The following NOL10 variants were observed in gnomAD, a reference collection of about 807,000 sequenced individuals.
NOL10 encodes the protein nucleolar protein 10, also known as H_NH0074G24.1.
A neutral mutation model predicts 103.5 loss-of-function variants in NOL10; 58 were observed. The ratio of observed to expected loss-of-function variants is 0.56; its 90% CI spans 0.45 to 0.70. The LOEUF is 0.70. Among genes scored for constraint, NOL10 ranks in the 30% least tolerant of loss-of-function variants. NOL10 has a pLI of 0.00. For synonymous variants in NOL10, 287 were observed against 282.5 expected (o/e 1.02, Z -0.16); for missense variants, 763 against 807.3 (o/e 0.95, Z 0.67).
chr2:10,647,747 T>G (rs564523690), intron 12 of NOL10, among the ~76,000 whole-genome samples: 1 of 152,256 alleles, frequency 6.6e-6, no homozygotes, highest in East Asian at 1.9e-4. Context: ...CCAAAGATAT[T>G]TATAGATGGC....
intron 10 of NOL10, 64 bp downstream of exon 10, chr2:10,659,108 A>G (rs1680018918): frequency 1.9e-6 from 2 of 1,074,434 alleles, no homozygotes; most frequent in East Asian, 2.5e-5. Context: ...TGTATTTCTC[A>G]TGACACATAC....
chr2:10,644,225 G>A (rs932955368), intron 13 of NOL10, 95 bp downstream of exon 13: 9 of 910,570 alleles, frequency 9.9e-6, no homozygotes, highest in Admixed American at 3.4e-5. Flanking sequence ...CCCAGCATCG[G>A]TGATCGCCAG....
intron 19 of NOL10, among the ~76,000 whole-genome samples, chr2:10,582,932 T>C (rs1674835037): frequency 6.6e-6 from 1 of 152,240 alleles, no homozygotes; most frequent in South Asian, 2.1e-4. Flanking sequence ...ACTAACTGTT[T>C]ACTGTGTTTT....
Position 10,571,980 on chromosome 2 carries a change from T to C in NOL10, c.*91A>G. On this transcript the variant is annotated 3_prime_UTR_variant, in exon 21 of 21. Coordinates refer to ENST00000381685, the MANE Select transcript of NOL10 (RefSeq NM_024894.4). ...AGAACGTACATGAACTTTAAAAACG[T>C]GTGTTTCCTCGTCTGTGTTTAACAC... The C allele has an allele frequency of 1.4e-6, 2 of 1,415,554 alleles. No individual in the cohort carries two copies. The highest frequency in any genetic ancestry group is 9.8e-7 in the Non-Finnish European group (1 of 1,022,858). The allele number at this position is 1,415,554 out of a possible 1,614,324, so 87.7% of individuals were successfully genotyped here.
rs754956630 is a variant in NOL10, at chr2:10,669,466, T to TTA, written c.465-745_465-744dup. Among the ~76,000 whole-genome samples the TTA allele has an allele frequency of 8.2e-3, 1,172 of 142,696 alleles. 14 individuals are homozygous for TTA. The highest frequency in any genetic ancestry group is 0.021 in the African/African-American group (797 of 38,808). 93.6% of individuals were successfully genotyped at this position (142,696 alleles called of 152,430 possible). ...GTATATATATATATATTTTTATTTT[T>TTA]TATATATATATATATACACACACAC... On this transcript the variant is annotated intron_variant, in intron 6 of 20. Transcript: ENST00000381685.
At chr2:10,647,058 T>G (rs114211407) in intron 12 of NOL10, among the ~76,000 whole-genome samples, 5,036 of 152,262 alleles carry the variant, frequency 0.033, 289 homozygotes, top group African/African-American at 0.12. Context: ...TTGAGGACTT[T>G]TTTCCTTTAA....
At chr2:10,581,789 C>G (rs1397847854) in intron 19 of NOL10, among the ~76,000 whole-genome samples, 1 of 152,086 alleles carries the variant, frequency 6.6e-6, no homozygotes, top group Non-Finnish European at 1.5e-5. Flanking sequence ...CCTCTGCACT[C>G]CAGCCTGGGC....
intron 13 of NOL10, among the ~76,000 whole-genome samples, chr2:10,616,800 C>T (rs1026549610): frequency 1.7e-4 from 26 of 149,796 alleles, no homozygotes; most frequent in Non-Finnish European, 2.7e-4. Context: ...CCACTGGCCT[C>T]GGCCTCCCAA....
intron 13 of NOL10, among the ~76,000 whole-genome samples, chr2:10,641,298 G>A (rs1678682016): frequency 6.6e-6 from 1 of 151,286 alleles, no homozygotes; most frequent in South Asian, 2.1e-4. Context: ...AGCCGAGATT[G>A]TGCCACTGCA....
Position 10,675,782 on chromosome 2 carries a change from CT to C in NOL10, c.289+11del. On this transcript the variant is annotated intron_variant, in intron 4 of 20. Transcript: ENST00000381685. ...GCCATTTTCATGAATTCAAATTTAG[CT>C]TTTTACTCACCTTCTGAATCTAAAC... The C allele has an allele frequency of 1.3e-6, 2 of 1,484,172 alleles. No homozygotes were observed. The highest frequency in any genetic ancestry group is 2.3e-5 in the Admixed American group (1 of 43,622). 91.9% of individuals were successfully genotyped at this position (1,484,172 alleles called of 1,614,324 possible).
intron 10 of NOL10, among the ~76,000 whole-genome samples, chr2:10,658,283 G>A (rs939299686): frequency 2.6e-5 from 4 of 152,240 alleles, no homozygotes; most frequent in Admixed American, 6.5e-5. Flanking sequence ...ACAGATGGTG[G>A]TGGCAAGGCT....
Position 10,645,774 on chromosome 2 carries a change from C to T in NOL10, c.974-1402G>A, listed in dbSNP as rs536811112. On this transcript the variant is annotated intron_variant, in intron 12 of 20. Coordinates refer to ENST00000381685, the MANE Select transcript of NOL10 (RefSeq NM_024894.4). ...TCAATCTCCTGACCTCATGATCCGC[C>T]CGCCTCGGCCTCCCAACATGCTGGG... Among the ~76,000 whole-genome samples, 15 of 152,122 alleles carry T rather than the reference C, an allele frequency of 9.9e-5. No individual in the cohort carries two copies. In the South Asian group the frequency reaches 2.7e-3, roughly 27 times the overall value.
chr2:10,624,703 A>T (rs1677352945), intron 13 of NOL10, among the ~76,000 whole-genome samples: 1 of 152,188 alleles, frequency 6.6e-6, no homozygotes, highest in Non-Finnish European at 1.5e-5. Context: ...GGCACTATGG[A>T]GGACCATCTG....
chr2:10,628,793 G>C (rs923421058), intron 13 of NOL10, among the ~76,000 whole-genome samples: 3 of 152,158 alleles, frequency 2.0e-5, no homozygotes, highest in Non-Finnish European at 4.4e-5. Flanking sequence ...ACACATTTAA[G>C]CAAACTTTTT....
At chr2:10,664,287 G>C (rs939462838) in intron 8 of NOL10, among the ~76,000 whole-genome samples, 8 of 152,102 alleles carry the variant, frequency 5.3e-5, no homozygotes, top group Non-Finnish European at 1.2e-4. Context: ...AATTAGCTGG[G>C]CATGGTGGCA....
chr2:10,590,353 G>A (rs1473246399), intron 17 of NOL10, among the ~76,000 whole-genome samples: 2 of 152,154 alleles, frequency 1.3e-5, no homozygotes, highest in African/African-American at 2.4e-5. Flanking sequence ...GCAATTTCTC[G>A]TGCCTTGGCC....
chr2:10,594,973 G>C (rs1199174851), intron 17 of NOL10, among the ~76,000 whole-genome samples: 1 of 151,984 alleles, frequency 6.6e-6, no homozygotes, highest in Non-Finnish European at 1.5e-5. Context: ...CTCCAGCCTG[G>C]GTAACAGGCT....
chr2:10,572,329 G>A, intron 20 of NOL10, 139 bp from the exon 21 acceptor site: 1 of 899,190 alleles, frequency 1.1e-6, no homozygotes, highest in Non-Finnish European at 1.7e-6. Flanking sequence ...GGCTCCAGGG[G>A]ACATGGTGGG....
intron 19 of NOL10, among the ~76,000 whole-genome samples, chr2:10,583,745 G>A (rs1012565892): frequency 1.3e-5 from 2 of 152,170 alleles, no homozygotes; most frequent in African/African-American, 4.8e-5. Context: ...CCATCGTTCA[G>A]GCCTGTGGCC....
Sources: gnomAD v4.1 joint callset for allele counts (sites outside exome capture counted in the v4.1 genomes callset) on GRCh38, gnomAD v4.1.1 for gene constraint, MANE v1.5 for transcripts, NCBI Gene and HGNC (gene_info 2026-07-23, HGNC 2026-07-21) for gene names.